HECW1: variants seen among roughly 807,000 people sequenced by gnomAD.
HECW1 encodes the protein E3 ubiquitin-protein ligase HECW1.
A neutral mutation model predicts 182.3 loss-of-function variants in HECW1; 61 were observed. The observed-to-expected ratio is 0.33, with a 90% CI of 0.27 to 0.41. HECW1 has a LOEUF of 0.41. HECW1 is among the 10% of genes least tolerant of loss of function. The probability of loss-of-function intolerance (pLI) is 1.00; values close to 1 mark genes in which losing one functional copy is unlikely to be tolerated. For missense variants in HECW1, 1,739 were observed against 2,108.9 expected, an observed-to-expected ratio of 0.82 and a Z score of 3.44; for synonymous variants, 859 against 832.6, an observed-to-expected ratio of 1.03 and a Z score of -0.55.
intron 3 of HECW1, among the ~76,000 whole-genome samples, chr7:43,302,494 C>G (rs1806955185): frequency 1.3e-5 from 2 of 152,196 alleles, no homozygotes; most frequent in Admixed American, 6.5e-5. Context: ...GGTGGTGGTG[C>G]CCTGGTTACG....
At chr7:43,200,826 T>C (rs1794957820) in intron 2 of HECW1, among the ~76,000 whole-genome samples, 1 of 152,162 alleles carries the variant, frequency 6.6e-6, no homozygotes, top group South Asian at 2.1e-4. Flanking sequence ...CCCAACATGC[T>C]CACCTCTGAC....
At chr7:43,141,484 T>G (rs1788146405) in intron 2 of HECW1, among the ~76,000 whole-genome samples, 1 of 152,146 alleles carries the variant, frequency 6.6e-6, no homozygotes, top group East Asian at 1.9e-4. Flanking sequence ...TTTTAACATA[T>G]TTTTGTTTGA....
At chr7:43,399,320 C>T (rs1334689231) in intron 7 of HECW1, among the ~76,000 whole-genome samples, 1 of 152,242 alleles carries the variant, frequency 6.6e-6, no homozygotes, top group African/African-American at 2.4e-5. Context: ...GGTCAGATTT[C>T]TTTCACTGTC....
intron 5 of HECW1, among the ~76,000 whole-genome samples, chr7:43,323,374 G>A (rs768659356): frequency 2.0e-5 from 3 of 152,056 alleles, no homozygotes; most frequent in Non-Finnish European, 2.9e-5. Context: ...CAGGCAGATT[G>A]CTTGAGCCCA....
intron 14 of HECW1, among the ~76,000 whole-genome samples, chr7:43,464,807 T>C (rs966995797): frequency 6.6e-6 from 1 of 152,150 alleles, no homozygotes; most frequent in African/African-American, 2.4e-5. Flanking sequence ...TTTCTGTTAT[T>C]ATTATTATTA....
chr7:43,320,082 TCA>T (rs1299066755), intron 4 of HECW1, among the ~76,000 whole-genome samples: 2 of 152,170 alleles, frequency 1.3e-5, no homozygotes, highest in African/African-American at 4.8e-5. Flanking sequence ...TGGTTAGATT[TCA>T]GCTGCTGAAT....
At chr7:43,246,963 TA>T (rs901262387) in intron 3 of HECW1, among the ~76,000 whole-genome samples, 1 of 152,102 alleles carries the variant, frequency 6.6e-6, no homozygotes, top group Non-Finnish European at 1.5e-5. Context: ...CAAGGCACCC[TA>T]AAGAGAGCCT....
intron 24 of HECW1, among the ~76,000 whole-genome samples, chr7:43,519,042 C>A (rs2080310731): frequency 6.6e-6 from 1 of 152,158 alleles, no homozygotes; most frequent in South Asian, 2.1e-4. Flanking sequence ...ATATTCAGTA[C>A]TTTTGTAATA....
chr7:43,198,074 T>G (rs1291574720), intron 2 of HECW1, among the ~76,000 whole-genome samples: 2 of 139,210 alleles, frequency 1.4e-5, no homozygotes, highest in East Asian at 4.5e-4. Context: ...ACACACACTC[T>G]CTTACACACC....
At chr7:43,183,716 G>A (rs959751864) in intron 2 of HECW1, among the ~76,000 whole-genome samples, 5 of 152,092 alleles carry the variant, frequency 3.3e-5, no homozygotes, top group Non-Finnish European at 7.3e-5. Flanking sequence ...TGATGAACGA[G>A]TATAATTCAA....
At chr7:43,117,657 G>T (rs139347103) in intron 2 of HECW1, among the ~76,000 whole-genome samples, 1 of 152,140 alleles carries the variant, frequency 6.6e-6, no homozygotes, top group Admixed American at 6.5e-5. Context: ...GTGTCTTAAA[G>T]CCTCTTTAAA....
intron 6 of HECW1, among the ~76,000 whole-genome samples, chr7:43,370,048 C>T (rs1252650995): frequency 6.6e-6 from 1 of 152,130 alleles, no homozygotes; most frequent in Non-Finnish European, 1.5e-5. Context: ...AAAGATGTTC[C>T]ATCAAGAGAA....
intron 2 of HECW1, among the ~76,000 whole-genome samples, chr7:43,196,020 C>T (rs1262276507): frequency 6.6e-6 from 1 of 152,182 alleles, no homozygotes; most frequent in Non-Finnish European, 1.5e-5. Context: ...CGGTCTTAGC[C>T]AGCTTGGTCC....
chr7:43,362,888 C>T (rs2152814082), intron 6 of HECW1, among the ~76,000 whole-genome samples: 1 of 152,360 alleles, frequency 6.6e-6, no homozygotes, highest in East Asian at 1.9e-4. Flanking sequence ...ATGGGCTGTG[C>T]CCACTGATGG....
intron 2 of HECW1, among the ~76,000 whole-genome samples, chr7:43,154,493 C>T (rs1789668072): frequency 6.6e-6 from 1 of 152,186 alleles, no homozygotes; most frequent in Admixed American, 6.5e-5. Flanking sequence ...AAAGTTTCCT[C>T]CATTCTCCAG....
intron 4 of HECW1, among the ~76,000 whole-genome samples, chr7:43,320,097 A>G (rs891167372): frequency 3.3e-5 from 5 of 152,184 alleles, no homozygotes; most frequent in African/African-American, 1.2e-4. Flanking sequence ...TGCTGAATGA[A>G]CAATGAATGC....
chr7:43,508,251 C>A, intron 23 of HECW1, 120 bp downstream of exon 23: 1 of 613,064 alleles, frequency 1.6e-6, no homozygotes, highest in Non-Finnish European at 2.9e-6. Context: ...CAATGCGATT[C>A]TGATCACATT....
At chr7:43,308,149 A>G in intron 3 of HECW1, among the ~76,000 whole-genome samples, 1 of 105,328 alleles carries the variant, frequency 9.5e-6, no homozygotes, top group South Asian at 2.4e-4. Context: ...ATTATATTAT[A>G]TATTATATAT....
At chr7:43,199,602 A>G (rs1794847097) in intron 2 of HECW1, among the ~76,000 whole-genome samples, 1 of 152,202 alleles carries the variant, frequency 6.6e-6, no homozygotes, top group South Asian at 2.1e-4. Flanking sequence ...AGTGGGAATT[A>G]GATTTTTTTA....
Sources: gnomAD v4.1 joint callset for allele counts (sites outside exome capture counted in the v4.1 genomes callset) on GRCh38, gnomAD v4.1.1 for gene constraint, MANE v1.5 for transcripts, NCBI Gene and HGNC (gene_info 2026-07-23, HGNC 2026-07-21) for gene names.